The following CPNE4 variants were observed in gnomAD, a reference collection of about 807,000 sequenced individuals.
CPNE4 encodes copine-4.
In CPNE4, 25 loss-of-function variants were observed where a neutral mutation model predicts 67.9. The observed-to-expected ratio is 0.37, with a 90% CI of 0.27 to 0.51. The LOEUF (loss-of-function observed/expected upper bound fraction) is 0.51. Ranked by LOEUF, CPNE4 falls within the 20% of genes least tolerant of loss-of-function variation. CPNE4 has a pLI of 0.93. For synonymous variants in CPNE4, 242 were observed against 244.9 expected, an observed-to-expected ratio of 0.99 and a Z score of 0.11; for missense variants, 464 against 690.8, an observed-to-expected ratio of 0.67 and a Z score of 3.68.
chr3:131,947,853 AC>A (rs1213472039), intron 1 of CPNE4, among the ~76,000 whole-genome samples: 4 of 152,188 alleles, frequency 2.6e-5, no homozygotes, highest in African/African-American at 9.7e-5. Context: ...ACCCCCATCA[AC>A]AGTGTAAAAG....
intron 7 of CPNE4, among the ~76,000 whole-genome samples, chr3:131,606,508 A>G (rs1462337672): frequency 6.6e-6 from 1 of 152,178 alleles, no homozygotes; most frequent in Non-Finnish European, 1.5e-5. Flanking sequence ...AGCCAGATTC[A>G]CACACGTGGT....
chr3:131,641,743 A>C (rs1293918239), intron 7 of CPNE4, among the ~76,000 whole-genome samples: 1 of 152,192 alleles, frequency 6.6e-6, no homozygotes, highest in Non-Finnish European at 1.5e-5. Flanking sequence ...CAATTGCAAA[A>C]ATATGGAACC....
chr3:132,004,560 G>T (rs1246872731), intron 1 of CPNE4, among the ~76,000 whole-genome samples: 3 of 151,992 alleles, frequency 2.0e-5, no homozygotes, highest in South Asian at 4.1e-4. Context: ...TGATGAAAAA[G>T]GTTTTCACAC....
At chr3:131,626,840 G>A (rs984052513) in intron 7 of CPNE4, among the ~76,000 whole-genome samples, 1 of 152,168 alleles carries the variant, frequency 6.6e-6, no homozygotes, top group Non-Finnish European at 1.5e-5. Context: ...TGACTCACCT[G>A]GTGACTCTAA....
chr3:131,843,536 A>G (rs909015461), intron 2 of CPNE4, among the ~76,000 whole-genome samples: 7 of 152,262 alleles, frequency 4.6e-5, no homozygotes, highest in African/African-American at 1.7e-4. Context: ...AAGATGAAGT[A>G]ACGTGTGTTG....
intron 1 of CPNE4, among the ~76,000 whole-genome samples, chr3:132,022,474 A>G (rs1051236242): frequency 6.6e-6 from 1 of 152,170 alleles, no homozygotes; most frequent in Non-Finnish European, 1.5e-5. Context: ...GCATAAAAAA[A>G]CAGGTACAAC....
chr3:131,866,811 T>C lies in CPNE4; in HGVS notation c.180+38453A>G, dbSNP rs575217582. ...TAATTGCTGTTGTGTAAAGTGACTATTTCTCACTTAGCACAGCAAAATTAC... is the reference window on the plus strand; with the variant it reads ...TAATTGCTGTTGTGTAAAGTGACTACTTCTCACTTAGCACAGCAAAATTAC... On this transcript the variant is annotated intron_variant, in intron 2 of 15. Coordinates refer to ENST00000429747, the MANE Select transcript of CPNE4 (RefSeq NM_130808.3). Among the ~76,000 whole-genome samples the C allele has an allele frequency of 3.5e-4, 54 of 152,330 alleles. No individual in the cohort carries two copies. In the South Asian group the frequency reaches 5.0e-3, roughly 14 times the overall value.
At chr3:131,544,448 C>CTAAT (rs1935702057) in intron 14 of CPNE4, among the ~76,000 whole-genome samples, 1 of 152,172 alleles carries the variant, frequency 6.6e-6, no homozygotes, top group African/African-American at 2.4e-5. Context: ...TTCATACAGT[C>CTAAT]TAATGTAAAG....
chr3:132,028,404 T>A (rs894216035), intron 1 of CPNE4, among the ~76,000 whole-genome samples: 1 of 152,166 alleles, frequency 6.6e-6, no homozygotes, highest in Non-Finnish European at 1.5e-5. Context: ...TGCCTGTGCC[T>A]CAAGTTTTTA....
At chr3:131,708,991 T>TATATATATAC (rs1174377236) in intron 3 of CPNE4, among the ~76,000 whole-genome samples, 2 of 99,836 alleles carry the variant, frequency 2.0e-5, no homozygotes, top group African/African-American at 8.8e-5. Flanking sequence ...TATATATATA[T>TATATATATAC]ATATACATAC....
intron 7 of CPNE4, among the ~76,000 whole-genome samples, chr3:131,622,143 G>A (rs1582907285): frequency 6.6e-6 from 1 of 151,660 alleles, no homozygotes; most frequent in Admixed American, 6.6e-5. Context: ...CTGAGTCTCT[G>A]TAACTCAGAG....
At chr3:131,612,322 T>C (rs144632231) in intron 7 of CPNE4, among the ~76,000 whole-genome samples, 3,488 of 152,124 alleles carry the variant, frequency 0.023, 137 homozygotes, top group African/African-American at 0.079. Flanking sequence ...TGCAGTGAGC[T>C]GAGATTGAGC....
chr3:131,705,412 T>C (rs949821126), intron 3 of CPNE4, among the ~76,000 whole-genome samples: 1 of 152,144 alleles, frequency 6.6e-6, no homozygotes, highest in Non-Finnish European at 1.5e-5. Context: ...GAGAATTGCA[T>C]GTAAAAAAAG....
chr3:131,822,318 CCTAA>C (rs1246766908), intron 2 of CPNE4, among the ~76,000 whole-genome samples: 1 of 152,046 alleles, frequency 6.6e-6, no homozygotes, highest in African/African-American at 2.4e-5. Context: ...GTATGTGTTC[CCTAA>C]CTCAGTTTCC....
In CPNE4 at chr3:131,946,089, A is replaced by G. The variant is rs944478772; in HGVS notation, c.-1-40645T>C. Reference sequence around the variant, plus strand: ...TTCAGTGGGATTCAGCACATTCACAATGTTATGCAACTACCACCTCTATCT... The same window carrying G: ...TTCAGTGGGATTCAGCACATTCACAGTGTTATGCAACTACCACCTCTATCT... On this transcript the variant is annotated intron_variant, in intron 1 of 15. Coordinates refer to ENST00000429747, the MANE Select transcript of CPNE4 (RefSeq NM_130808.3). Among the ~76,000 whole-genome samples, 5 of 152,182 alleles carry G rather than the reference A, an allele frequency of 3.3e-5. No homozygotes were observed. The East Asian group carries it at 5.8e-4, about 18-fold the overall frequency.
intron 1 of CPNE4, among the ~76,000 whole-genome samples, chr3:131,927,948 T>C (rs556536968): frequency 2.6e-5 from 4 of 152,306 alleles, no homozygotes; most frequent in African/African-American, 7.2e-5. Context: ...TGAAAACCGC[T>C]AAAGAAAATT....
At chr3:132,037,023 T>C (rs1294994087), upstream of CPNE4, among the ~76,000 whole-genome samples, 1 of 152,148 alleles carries the variant, frequency 6.6e-6, no homozygotes, top group African/African-American at 2.4e-5. Flanking sequence ...ACACAACTAG[T>C]TAATGGGAGG....
intron 10 of CPNE4, among the ~76,000 whole-genome samples, chr3:131,571,370 G>C (rs953240689): frequency 6.6e-6 from 1 of 151,820 alleles, no homozygotes; most frequent in Non-Finnish European, 1.5e-5. Context: ...CCACATACAT[G>C]TAGCTCCTGA....
intron 2 of CPNE4, among the ~76,000 whole-genome samples, chr3:131,772,706 C>T (rs750016464): frequency 3.3e-5 from 5 of 152,116 alleles, no homozygotes; most frequent in Non-Finnish European, 7.4e-5. Context: ...CCAGATCTCA[C>T]AGCATGTCAT....
Sources: gnomAD v4.1 joint callset for allele counts (sites outside exome capture counted in the v4.1 genomes callset) on GRCh38, gnomAD v4.1.1 for gene constraint, MANE v1.5 for transcripts, NCBI Gene and HGNC (gene_info 2026-07-23, HGNC 2026-07-21) for gene names.